Variants in GANC observed in about 807,000 individuals in gnomAD.
GANC encodes the protein glucosidase alpha, neutral C.
In GANC, 117 loss-of-function variants were observed where a neutral mutation model predicts 124.2. That is an observed-to-expected ratio of 0.94 (90% CI 0.81 to 1.10). The LOEUF is 1.10. Ranked by LOEUF, GANC falls within the 50% of genes least tolerant of loss-of-function variation. The pLI, the probability that GANC is intolerant of heterozygous loss-of-function variation, is 0.00. For missense variants in GANC, 1,140 were observed against 1,095.0 expected, an observed-to-expected ratio of 1.04 and a Z score of -0.58; for synonymous variants, 377 against 376.8, an observed-to-expected ratio of 1.00 and a Z score of -0.01.
At chr15:42,296,784 A>G (rs751799566) in intron 5 of GANC, among the ~76,000 whole-genome samples, 1 of 152,042 alleles carries the variant, frequency 6.6e-6, no homozygotes, top group Non-Finnish European at 1.5e-5. Context: ...ACTTTTATGT[A>G]ATAAAAGTAT....
intron 3 of GANC, chr15:42,283,927 T>C: frequency 1.4e-6 from 1 of 702,596 alleles, no homozygotes; most frequent in Non-Finnish European, 2.6e-6. Context: ...GTATTCTTTG[T>C]AGAAAATCAG....
intron 3 of GANC, among the ~76,000 whole-genome samples, chr15:42,284,588 C>G (rs533573796): frequency 6.6e-6 from 1 of 152,176 alleles, no homozygotes; most frequent in Non-Finnish European, 1.5e-5. Flanking sequence ...ATTCTTTTCT[C>G]TGAGGATTTA....
intron 20 of GANC, 115 bp downstream of exon 20, chr15:42,345,947 G>A (rs1211947157): frequency 1.4e-5 from 10 of 703,282 alleles, no homozygotes; most frequent in East Asian, 2.7e-5. Flanking sequence ...TTATTTTCTC[G>A]AAGTTTTGGA....
At chr15:42,306,728 A>C in intron 7 of GANC, 116 bp downstream of exon 7, 2 of 644,048 alleles carry the variant, frequency 3.1e-6, no homozygotes, top group Non-Finnish European at 5.4e-6. Context: ...ACAGAAGAAC[A>C]GAAATCCCAG....
In GANC at chr15:42,274,514, A is replaced by C. The variant is rs2051634408; in HGVS notation, c.29+4A>C. ...CAGCAGTGAAAGAGGAAATAAGGTA[A>C]AGGCCAAGTGCTTCTGTAGCGAGTG... On this transcript the variant is annotated splice_donor_region_variant and intron_variant, in intron 1 of 23. Transcript: ENST00000318010. The C allele has an allele frequency of 6.2e-7, 1 of 1,608,528 alleles. No individual in the cohort carries two copies. Among genetic ancestry groups the C allele is most frequent in the Non-Finnish European group, 8.5e-7 (1 of 1,177,672 alleles).
intron 3 of GANC, among the ~76,000 whole-genome samples, chr15:42,283,166 C>T (rs761471271): frequency 7.9e-5 from 12 of 152,196 alleles, no homozygotes; most frequent in Non-Finnish European, 1.8e-4. Flanking sequence ...GAATGTTGAC[C>T]TGTGTGTTGT....
At chr15:42,290,578 C>T (rs2051831957) in intron 4 of GANC, among the ~76,000 whole-genome samples, 1 of 152,114 alleles carries the variant, frequency 6.6e-6, no homozygotes, top group Admixed American at 6.6e-5. Context: ...GAGGCCAAGG[C>T]AGGAGGATTG....
In GANC at chr15:42,349,446, C is replaced by T. The variant is rs1405351640; in HGVS notation, c.2482C>T (p.Gln828Ter). Residue 828 changes from glutamine to a stop codon, truncating the protein, a stop_gained, in exon 22 of 24, where the codon CAA becomes TAA. Coordinates refer to ENST00000318010, the MANE Select transcript of GANC (RefSeq NM_198141.3). LOFTEE classifies it high-confidence loss of function. ...TTCATTCCAATACCTCCACCAGAAG[C>T]AATTTTTGCACAGGAAGTTTTCATT... ...GHSFQYLHQKQFLHRKFSFCS... is the reference protein window; with the variant it reads ...GHSFQYLHQK 2 of 1,613,646 alleles carry T rather than the reference C, an allele frequency of 1.2e-6. No homozygotes were observed. The highest frequency in any genetic ancestry group is 2.7e-5 in the African/African-American group (2 of 74,886).
chr15:42,295,459 AAATT>A (rs1169181379), intron 5 of GANC, among the ~76,000 whole-genome samples: 3 of 152,180 alleles, frequency 2.0e-5, no homozygotes, highest in African/African-American at 4.8e-5. Flanking sequence ...AGATGAATAA[AAATT>A]AAACATAAAA....
At chr15:42,311,600 T>C (rs1342102325) in intron 10 of GANC, among the ~76,000 whole-genome samples, 1 of 152,126 alleles carries the variant, frequency 6.6e-6, no homozygotes, top group Non-Finnish European at 1.5e-5. Context: ...TTAACAATTA[T>C]GATGGAAGGC....
At chr15:42,298,416 G>A (rs1425522875) in intron 6 of GANC, among the ~76,000 whole-genome samples, 1 of 152,154 alleles carries the variant, frequency 6.6e-6, no homozygotes, top group East Asian at 1.9e-4. Flanking sequence ...CACTGTTCAT[G>A]GAATTGGTGA....
chr15:42,304,060 C>T (rs1021954725), intron 6 of GANC, among the ~76,000 whole-genome samples: 5 of 152,226 alleles, frequency 3.3e-5, no homozygotes, highest in Non-Finnish European at 7.3e-5. Flanking sequence ...ACATTCTTCT[C>T]AGCACCGCAT....
rs773894891 is a variant in GANC, at chr15:42,327,478, T to C, written c.1500+36T>C. The C allele has an allele frequency of 4.3e-6, 6 of 1,409,432 alleles. 1 individual carries two copies. The highest frequency in any genetic ancestry group is 3.5e-4 in the Middle Eastern group (2 of 5,656). The allele number at this position is 1,409,432 out of a possible 1,614,324, so 87.3% of individuals were successfully genotyped here. ...ATTCCTTTGTTCTTTTCTAGTTACCTGAAAGAGTGAAAGAAGTGGAAAAAG... is the reference window on the plus strand; with the variant it reads ...ATTCCTTTGTTCTTTTCTAGTTACCCGAAAGAGTGAAAGAAGTGGAAAAAG... On this transcript the variant is annotated intron_variant, in intron 13 of 23. Coordinates refer to ENST00000318010, the MANE Select transcript of GANC (RefSeq NM_198141.3).
At chr15:42,298,625 C>T (rs2051914635) in intron 6 of GANC, among the ~76,000 whole-genome samples, 2 of 152,324 alleles carry the variant, frequency 1.3e-5, no homozygotes, top group Admixed American at 1.3e-4. Flanking sequence ...GAAATCTTCT[C>T]TCTCTTCATC....
At chr15:42,319,261 G>A (rs1377887056) in intron 10 of GANC, among the ~76,000 whole-genome samples, 1 of 151,860 alleles carries the variant, frequency 6.6e-6, no homozygotes, top group Non-Finnish European at 1.5e-5. Context: ...CAAATTTGCT[G>A]GTAACATAAT....
chr15:42,340,270 A>G (rs912193356), intron 17 of GANC, among the ~76,000 whole-genome samples: 1 of 152,196 alleles, frequency 6.6e-6, no homozygotes, highest in Non-Finnish European at 1.5e-5. Context: ...GGCTTGAATC[A>G]TATGAAAAAG....
chr15:42,316,679 T>G (rs11637045), intron 10 of GANC, among the ~76,000 whole-genome samples: 138,427 of 152,172 alleles, frequency 0.91, 64,330 homozygotes, highest in Non-Finnish European at 1. Flanking sequence ...AGATGACTGC[T>G]GGCAGGCCTG....
chr15:42,340,740 A>T lies in GANC; in HGVS notation c.2138A>T (p.Asp713Val). 1 of 1,592,784 alleles carries T rather than the reference A, an allele frequency of 6.3e-7. No homozygotes were observed. Among genetic ancestry groups the T allele is most frequent in the Non-Finnish European group, 8.6e-7 (1 of 1,168,654 alleles). ...PDELKTFDME[D>V]EYMLGSALLV... The stretch of plus-strand genomic sequence containing the variant: ...GAACTAAAGACTTTTGATATGGAAG[A>T]TGAATACATGCTGGGTGAGCATTTC... Residue 713 changes from aspartate to valine, a missense_variant, in exon 18 of 24, where the codon GAT (aspartate) becomes GTT (valine). Physicochemically the swap from Asp to Val is radical, Grantham distance 152. Coordinates refer to ENST00000318010, the MANE Select transcript of GANC (RefSeq NM_198141.3).
Position 42,345,810 on chromosome 15 carries a change from A to G in GANC, c.2282A>G (p.Lys761Arg), listed in dbSNP as rs1256956121. ...CATTGGGAAGGAGGGTGTACTGTAA[A>G]GATCCCAGTAGCCTTGGACACTGTA... ...FAHWEGGCTV[K>R]IPVALDTIPV... The change falls in exon 20 of 24, where the codon AAG becomes AGG. Residue 761 changes from lysine to arginine, a missense_variant. Coordinates refer to ENST00000318010, the MANE Select transcript of GANC (RefSeq NM_198141.3). 3 of 1,610,780 alleles carry G rather than the reference A, an allele frequency of 1.9e-6. No homozygotes were observed. In the African/African-American group the frequency reaches 4.0e-5, roughly 22 times the overall value.
Sources: allele counts gnomAD v4.1 joint callset (sites outside exome capture counted in the v4.1 genomes callset), GRCh38; gene constraint gnomAD v4.1.1; transcripts MANE v1.5; gene names NCBI Gene and HGNC (gene_info 2026-07-23, HGNC 2026-07-21).